Variants in TRIM45 observed in about 807,000 individuals in gnomAD.
The protein encoded by TRIM45 is tripartite motif containing 45, also known as E3 ubiquitin-protein ligase TRIM45.
In TRIM45, 45 loss-of-function variants were observed where a neutral mutation model predicts 46.7. The ratio of observed to expected loss-of-function variants is 0.96; its 90% confidence interval spans 0.76 to 1.24. TRIM45 has a LOEUF of 1.24. Among genes scored for constraint, TRIM45 ranks in the 50% most tolerant of loss-of-function variants. The pLI is 0.00. For synonymous variants in TRIM45, 259 were observed against 285.8 expected (o/e 0.91, Z 0.94); for missense variants, 680 against 728.4 (o/e 0.93, Z 0.77).
rs773060785 is a variant in TRIM45, at chr1:117,118,414, G to A, written c.842C>T (p.Ser281Leu). The A allele has an allele frequency of 9.9e-6, 16 of 1,614,020 alleles. No individual in the cohort carries two copies. The highest frequency in any genetic ancestry group is 1.6e-4 in the Middle Eastern group (1 of 6,084). Reference protein sequence around the residue: ...EAVAADVRTFSEGYIKAIEEH... With the variant: ...EAVAADVRTFLEGYIKAIEEH... ...CTCAATGGCCTTAATGTAGCCCTCC[G>A]AGAATGTCCGGACATCAGCTGCCAC... Residue 281 changes from serine to leucine, a missense_variant, in exon 2 of 6, where the codon TCG becomes TTG. Coordinates refer to ENST00000256649, the MANE Select transcript of TRIM45 (RefSeq NM_025188.4). This position sits in a 1 kb window ranked among gnomAD's most constrained non-coding sequence, Gnocchi z 5.7.
In TRIM45 at chr1:117,121,242, C is replaced by A; in HGVS notation, c.-41G>T. 6.6e-7 allele frequency: 1 copy of A among 1,506,994 alleles called. No individual in the cohort carries two copies. Among genetic ancestry groups the A allele is most frequent in the Non-Finnish European group, 8.8e-7 (1 of 1,136,902 alleles). 93.4% of individuals were successfully genotyped at this position (1,506,994 alleles called of 1,614,324 possible). On this transcript the variant is annotated 5_prime_UTR_variant, in exon 1 of 6. Coordinates refer to ENST00000256649, the MANE Select transcript of TRIM45 (RefSeq NM_025188.4). The surrounding 1 kb of genome is among the most constrained non-coding windows in gnomAD (Gnocchi z 4.2). ...GACCAATATTAGAAAGGGCCCTGGG[C>A]AGTTCTACGATTTAGTAGCAGGTGA...
chr1:117,115,534 A>G lies in TRIM45; in HGVS notation c.1467+41T>C. On this transcript the variant is annotated intron_variant, in intron 4 of 5. Transcript: ENST00000256649. This position sits in a 1 kb window ranked among gnomAD's most constrained non-coding sequence, Gnocchi z 4.2. The stretch of plus-strand genomic sequence containing the variant: ...AAATGTCTCCAGATCCTAAGACAGT[A>G]GAATCCAGGGAGCTCAGGGAAGCAC... 1 of 1,374,504 alleles carries G rather than the reference A, an allele frequency of 7.3e-7. No individual in the cohort carries two copies. Among genetic ancestry groups the G allele is most frequent in the African/African-American group, 1.4e-5 (1 of 70,312 alleles). The allele number at this position is 1,374,504 out of a possible 1,614,324, so 85.1% of individuals were successfully genotyped here. A position where few individuals can be genotyped will look rare whatever the true frequency, so the allele number is the denominator to read the frequency against.
chr1:117,122,531 G>T (rs192346485), upstream of TRIM45: 2 of 152,450 alleles, frequency 1.3e-5, no homozygotes, highest in East Asian at 3.9e-4. Flanking sequence ...GGTCCGGGGG[G>T]AGTGCAGATG....
upstream of TRIM45, among the ~76,000 whole-genome samples, chr1:117,123,428 A>G (rs1333835590): frequency 6.6e-6 from 1 of 152,138 alleles, no homozygotes; most frequent in African/African-American, 2.4e-5. Context: ...CTCTTGTTTC[A>G]GAAGTACTTC....
Position 117,117,935 on chromosome 1 carries a change from G to C in TRIM45, c.1222+99C>G. On this transcript the variant is annotated intron_variant, in intron 2 of 5. Coordinates refer to ENST00000256649, the MANE Select transcript of TRIM45 (RefSeq NM_025188.4). This position sits in a 1 kb window ranked among gnomAD's most constrained non-coding sequence, Gnocchi z 4.9. ...TTATCTCCCCACCTTTGGTAACCTG[G>C]TCAGTAGGGCATGCTTCCTAGCAGA... 1 of 1,461,826 alleles carries C rather than the reference G, an allele frequency of 6.8e-7. No individual in the cohort carries two copies. Among genetic ancestry groups the C allele is most frequent in the Non-Finnish European group, 9.3e-7 (1 of 1,076,530 alleles). The allele number at this position is 1,461,826 out of a possible 1,614,324, so 90.6% of individuals were successfully genotyped here. A position where few individuals can be genotyped will look rare whatever the true frequency, so the allele number is the denominator to read the frequency against.
chr1:117,121,945 G>A (rs1048288474), upstream of TRIM45: 4 of 676,398 alleles, frequency 5.9e-6, no homozygotes, highest in South Asian at 6.5e-5. The surrounding 1 kb of genome is among the most constrained non-coding windows in gnomAD (Gnocchi z 4.2). Context: ...GGGCGGGGCG[G>A]CCGAAGGGCT....
intron 4 of TRIM45, among the ~76,000 whole-genome samples, chr1:117,114,548 C>T (rs1426589398): frequency 6.6e-6 from 1 of 152,218 alleles, no homozygotes; most frequent in Non-Finnish European, 1.5e-5. Context: ...AACCTAGCAC[C>T]TTAGAAGTCT....
At chr1:117,123,287 CTG>C (rs889566309), upstream of TRIM45, among the ~76,000 whole-genome samples, 24 of 152,266 alleles carry the variant, frequency 1.6e-4, no homozygotes, top group African/African-American at 5.5e-4. Context: ...GTCACAAAAA[CTG>C]TGTGGACTTG....
chr1:117,121,710 C>T lies in TRIM45; in HGVS notation c.-509G>A. On this transcript the variant is annotated 5_prime_UTR_variant, in exon 1 of 6. Coordinates refer to ENST00000256649, the MANE Select transcript of TRIM45 (RefSeq NM_025188.4). This position sits in a 1 kb window ranked among gnomAD's most constrained non-coding sequence, Gnocchi z 4.2. ...CGGCGGGCTTCTCGGTGTCCACCGC[C>T]TCTCCCGCGCCTCGGCCCGGGACGC... 1 of 577,362 alleles carries T rather than the reference C, an allele frequency of 1.7e-6. No homozygotes were observed. 35.8% of individuals were successfully genotyped at this position (577,362 alleles called of 1,614,324 possible).
Position 117,113,630 on chromosome 1 carries a change from C to T in TRIM45, c.1468-145G>A, listed in dbSNP as rs1359267975. 8.9e-7 allele frequency: 1 copy of T among 1,119,940 alleles called. No individual in the cohort carries two copies. The highest frequency in any genetic ancestry group is 1.2e-6 in the Non-Finnish European group (1 of 809,528). The allele number at this position is 1,119,940 out of a possible 1,614,324, so 69.4% of individuals were successfully genotyped here. ...AACAGGAAAGAAACAGATTAGAGGA[C>T]AAGAACCCTGCTCAGCTGAGAGGAG... On this transcript the variant is annotated intron_variant, in intron 4 of 5. Transcript: ENST00000256649. This position sits in a 1 kb window ranked among gnomAD's most constrained non-coding sequence, Gnocchi z 4.0.
chr1:117,123,878 G>A (rs746407856), upstream of TRIM45, among the ~76,000 whole-genome samples: 7 of 152,042 alleles, frequency 4.6e-5, no homozygotes, highest in African/African-American at 1.2e-4. Context: ...TGATCCACCC[G>A]CCTCGGCCTC....
Position 117,115,689 on chromosome 1 carries a change from G to A in TRIM45, c.1353C>T (p.Ser451=). Reference sequence around the variant, plus strand: ...TATCCTGGACCATTGTTCTGACTGGGCTGAATGGAGATAAGAGTCAAAACA... The same window carrying A: ...TATCCTGGACCATTGTTCTGACTGGACTGAATGGAGATAAGAGTCAAAACA... ...VAVVPKDKKD[S]PVRTMVQDNK... is the part of the protein sequence containing the mutation. The change falls in exon 4 of 6, where the codon AGC becomes AGT. Residue 451 remains serine, a splice_region_variant and synonymous_variant. Coordinates refer to ENST00000256649, the MANE Select transcript of TRIM45 (RefSeq NM_025188.4). The surrounding 1 kb of genome is among the most constrained non-coding windows in gnomAD (Gnocchi z 4.2). 1 of 1,608,854 alleles carries A rather than the reference G, an allele frequency of 6.2e-7. No homozygotes were observed. The highest frequency in any genetic ancestry group is 8.5e-7 in the Non-Finnish European group (1 of 1,175,292).
chr1:117,112,324 A>G lies in TRIM45; in HGVS notation c.1724T>C (p.Leu575Pro), dbSNP rs757207887. 6 of 1,612,032 alleles carry G rather than the reference A, an allele frequency of 3.7e-6. No individual in the cohort carries two copies. In the African/African-American group the frequency reaches 8.0e-5, roughly 22 times the overall value. Residue 575 changes from leucine (L) to proline (P), a missense_variant, in exon 6 of 6, where the codon CTT becomes CCT. Physicochemically the swap from Leu to Pro is moderately conservative, Grantham distance 98. Around this residue, in one of 3 missense-constraint regions of TRIM45, gnomAD observed 322 missense variants for 359.3 expected, o/e 0.90. Coordinates refer to ENST00000256649, the MANE Select transcript of TRIM45 (RefSeq NM_025188.4). The stretch of plus-strand genomic sequence containing the variant: ...AACCCATCAGAGAGCCACAGTCCTA[A>G]GTAGACTCCTCGGTGCGCTCTGCCC... ...TGGQSAPRSL[L>P]RTVAL
At position 117,116,077 on chromosome 1, in the gene TRIM45, A is replaced by G. The variant is rs1035591596; in HGVS notation, c.1353-388T>C. Among the ~76,000 whole-genome samples the G allele has an allele frequency of 1.3e-5, 2 of 152,200 alleles. No homozygotes were observed. Among genetic ancestry groups the G allele is most frequent in the Non-Finnish European group, 2.9e-5 (2 of 68,038 alleles). Reference sequence around the variant, plus strand: ...TCAGTCTAACACAGAATATTTTTCAACTTATTCTAAAGCTTGAGATGAAAA... The same window carrying G: ...TCAGTCTAACACAGAATATTTTTCAGCTTATTCTAAAGCTTGAGATGAAAA... On this transcript the variant is annotated intron_variant, in intron 3 of 5. Coordinates refer to ENST00000256649, the MANE Select transcript of TRIM45 (RefSeq NM_025188.4). This position sits in a 1 kb window ranked among gnomAD's most constrained non-coding sequence, Gnocchi z 4.6.
In TRIM45 at chr1:117,120,862, C is replaced by G; in HGVS notation, c.340G>C (p.Asp114His). 6.2e-7 allele frequency: 1 copy of G among 1,614,216 alleles called. No homozygotes were observed. Among genetic ancestry groups the G allele is most frequent in the Non-Finnish European group, 8.5e-7 (1 of 1,180,030 alleles). The change falls in exon 1 of 6, where the codon GAC becomes CAC. Residue 114 changes from aspartate to histidine, a missense_variant. By Grantham distance (81) the Asp-to-His change is moderately conservative. Coordinates refer to ENST00000256649, the MANE Select transcript of TRIM45 (RefSeq NM_025188.4). ...PMGGVKALTI[D>H]HLAVNDVMLE... The stretch of plus-strand genomic sequence containing the variant: ...ATCACATCATTCACGGCCAGGTGGT[C>G]TATGGTTAAAGCCTTCACTCCACCC...
chr1:117,118,752 C>T lies in TRIM45; in HGVS notation c.504G>A (p.Thr168=), dbSNP rs756079617. 12 of 1,611,810 alleles carry T rather than the reference C, an allele frequency of 7.4e-6. No homozygotes were observed. The highest frequency in any genetic ancestry group is 1.3e-5 in the African/African-American group (1 of 74,878). The change falls in exon 2 of 6, where the codon ACG becomes ACA. Residue 168 remains threonine (T), a synonymous_variant. Transcript: ENST00000256649. This position sits in a 1 kb window ranked among gnomAD's most constrained non-coding sequence, Gnocchi z 5.7. ...TTAGGTCCACCATGGTGTGGTAAGT[C>T]GTTTTCTTCTGCCGCCTAGGGGCAA... ...CCQAHRRQKK[T]TYHTMVDLKD... is the part of the protein sequence containing the mutation.
At position 117,118,973 on chromosome 1, in the gene TRIM45, T is replaced by C. The variant is rs1298918363; in HGVS notation, c.489-206A>G. Among the ~76,000 whole-genome samples, 9 of 152,234 alleles carry C rather than the reference T, an allele frequency of 5.9e-5. No individual in the cohort carries two copies. The highest frequency in any genetic ancestry group is 2.2e-4 in the African/African-American group (9 of 41,450). On this transcript the variant is annotated intron_variant, in intron 1 of 5. Coordinates refer to ENST00000256649, the MANE Select transcript of TRIM45 (RefSeq NM_025188.4). This position sits in a 1 kb window ranked among gnomAD's most constrained non-coding sequence, Gnocchi z 5.7. Reference sequence around the variant, plus strand: ...ATACCTACCTGAAAGAGCTGTTGTATAGAATAACGTGTGAACAGACTAGGG... The same window carrying C: ...ATACCTACCTGAAAGAGCTGTTGTACAGAATAACGTGTGAACAGACTAGGG...
At chr1:117,119,128 A>T (rs1650524148) in intron 1 of TRIM45, among the ~76,000 whole-genome samples, 1 of 152,240 alleles carries the variant, frequency 6.6e-6, no homozygotes, top group Non-Finnish European at 1.5e-5. Flanking sequence ...CATGGCAGAA[A>T]ACCAGCATCA....
chr1:117,112,722 T>G (rs1029488354), intron 5 of TRIM45, among the ~76,000 whole-genome samples: 2 of 152,130 alleles, frequency 1.3e-5, no homozygotes, highest in African/African-American at 4.8e-5. Context: ...GCGAACTAGT[T>G]TGCACATTAA....
Sources: allele counts gnomAD v4.1 joint callset (sites outside exome capture counted in the v4.1 genomes callset), GRCh38; gene constraint gnomAD v4.1.1; regional missense constraint gnomAD v4.1.1; non-coding constraint Gnocchi (gnomAD v3.1); transcripts MANE v1.5; gene names NCBI Gene and HGNC (gene_info 2026-07-23, HGNC 2026-07-21).